The following RETREG1 variants were observed in gnomAD, a reference collection of about 807,000 sequenced individuals.
The protein encoded by RETREG1 is family with sequence similarity 134 member B.
A neutral mutation model predicts 54.8 loss-of-function variants in RETREG1; 44 were observed. The observed-to-expected ratio is 0.80, with a 90% CI of 0.63 to 1.03. The LOEUF (loss-of-function observed/expected upper bound fraction) is 1.03, where lower values mean the gene tolerates loss of function less well. RETREG1 is among the 50% of genes least tolerant of loss of function. The pLI, the probability that RETREG1 is intolerant of heterozygous loss-of-function variation, is 0.00. For synonymous variants in RETREG1, 217 were observed against 238.5 expected, an observed-to-expected ratio of 0.91 and a Z score of 0.83; for missense variants, 554 against 605.1, an observed-to-expected ratio of 0.92 and a Z score of 0.89.
In RETREG1 at chr5:16,516,769, CA is replaced by C. The variant is rs60951578; in HGVS notation, c.459-33298del. ...AAATGTTTTTTCACAAGACATATAA[CA>C]AAAAAAAAAATCTAACAAGCCCAAA... On this transcript the variant is annotated intron_variant, in intron 3 of 8. Coordinates refer to ENST00000306320, the MANE Select transcript of RETREG1 (RefSeq NM_001034850.3). Among the ~76,000 whole-genome samples the C allele has an allele frequency of 2.4e-3, 350 of 147,314 alleles. 2 individuals carry two copies. The highest frequency in any genetic ancestry group is 0.023 in the East Asian group (118 of 5,040).
At chr5:16,512,209 C>T (rs1027943855) in intron 3 of RETREG1, among the ~76,000 whole-genome samples, 2 of 152,180 alleles carry the variant, frequency 1.3e-5, no homozygotes, top group African/African-American at 4.8e-5. Flanking sequence ...ACCCTGAGTG[C>T]CACAGAAGTG....
In RETREG1 at chr5:16,483,363, GT is replaced by G. The variant is rs754574335; in HGVS notation, c.567del (p.Lys189AsnfsTer63). The G allele has an allele frequency of 6.2e-7, 1 of 1,613,322 alleles. No homozygotes were observed. The highest frequency in any genetic ancestry group is 8.5e-7 in the Non-Finnish European group (1 of 1,179,372). On this transcript the variant is annotated frameshift_variant, in exon 4 of 9. Coordinates refer to ENST00000306320, the MANE Select transcript of RETREG1 (RefSeq NM_001034850.3). LOFTEE classifies it high-confidence loss of function. ...AAACTTGCCTTGCCAGGGCTCTGCT[GT>G]TTAAAAAGAGACATTTCTTGAAGAA... ...SIFLQEMSLF[K>X]QQSPGKFCLL... is the part of the protein sequence containing the mutation.
intron 3 of RETREG1, among the ~76,000 whole-genome samples, chr5:16,517,961 A>T (rs1740411235): frequency 1.3e-5 from 2 of 151,954 alleles, no homozygotes; most frequent in East Asian, 3.9e-4. Context: ...AAAGGATGAC[A>T]TTGTTAGGAA....
chr5:16,558,621 C>A (rs75425969), intron 3 of RETREG1, among the ~76,000 whole-genome samples: 3,576 of 152,236 alleles, frequency 0.023, 132 homozygotes, highest in African/African-American at 0.081. Context: ...AACAAGGTTC[C>A]AGTCTTACTG....
intron 1 of RETREG1, among the ~76,000 whole-genome samples, chr5:16,592,774 T>C (rs1048379752): frequency 6.6e-5 from 10 of 152,130 alleles, no homozygotes; most frequent in African/African-American, 2.4e-4. Context: ...GCCATTATCC[T>C]TGGCAAACTA....
At chr5:16,605,081 A>G (rs960461745) in intron 1 of RETREG1, among the ~76,000 whole-genome samples, 1 of 152,232 alleles carries the variant, frequency 6.6e-6, no homozygotes, top group Non-Finnish European at 1.5e-5. Context: ...AAATGTCTGC[A>G]CTGAAGAAAT....
At chr5:16,527,512 G>T (rs1740749506) in intron 3 of RETREG1, among the ~76,000 whole-genome samples, 3 of 152,094 alleles carry the variant, frequency 2.0e-5, no homozygotes, top group Admixed American at 6.5e-5. Flanking sequence ...GGCTGAAATG[G>T]CATTAATGCT....
At chr5:16,506,819 G>A (rs1739977535) in intron 3 of RETREG1, among the ~76,000 whole-genome samples, 1 of 152,144 alleles carries the variant, frequency 6.6e-6, no homozygotes, top group African/African-American at 2.4e-5. Context: ...CCACCAATGG[G>A]TAAAAGCTTA....
At chr5:16,583,813 C>T (rs1742555680) in intron 1 of RETREG1, among the ~76,000 whole-genome samples, 1 of 151,948 alleles carries the variant, frequency 6.6e-6, no homozygotes, top group African/African-American at 2.4e-5. Context: ...TTTTTGTCTT[C>T]AAAGAAAGAC....
chr5:16,565,143 C>G (rs1427545791), intron 3 of RETREG1, among the ~76,000 whole-genome samples: 1 of 152,204 alleles, frequency 6.6e-6, no homozygotes, highest in Non-Finnish European at 1.5e-5. Context: ...ACTGTGGTCC[C>G]CTCAATCAAC....
At chr5:16,527,576 C>A (rs188437528) in intron 3 of RETREG1, among the ~76,000 whole-genome samples, 4 of 152,046 alleles carry the variant, frequency 2.6e-5, no homozygotes, top group African/African-American at 9.6e-5. Context: ...TGATAAAAAT[C>A]ATAATAATAA....
chr5:16,608,009 A>G (rs1437558670), intron 1 of RETREG1, among the ~76,000 whole-genome samples: 1 of 152,036 alleles, frequency 6.6e-6, no homozygotes. Context: ...CCTCCCAAGT[A>G]ACTGGGATTA....
At position 16,478,971 on chromosome 5, in the gene RETREG1, C is replaced by A. The variant is rs748217475; in HGVS notation, c.687G>T (p.Leu229Phe). The A allele has an allele frequency of 1.3e-5, 21 of 1,611,688 alleles. No individual in the cohort carries two copies. In the Admixed American group the frequency reaches 3.0e-4, roughly 23 times the overall value. The change falls in exon 6 of 9, where the codon TTG becomes TTT. Residue 229 changes from leucine (L) to phenylalanine (F), a missense_variant. Physicochemically the swap from Leu to Phe is conservative, Grantham distance 22. Around this residue, in one of 4 missense-constraint regions of RETREG1, gnomAD observed 347 missense variants for 412.3 expected, o/e 0.84. Coordinates refer to ENST00000306320, the MANE Select transcript of RETREG1 (RefSeq NM_001034850.3). ...LSYLLLLCAF[L>F]CPLFKCNDIG... Reference sequence around the variant, plus strand: ...TATCATTACATTTAAACAATGGACACAAAAATGCACACAGTACTGAAAGAA... The same window carrying A: ...TATCATTACATTTAAACAATGGACAAAAAAATGCACACAGTACTGAAAGAA...
intron 3 of RETREG1, among the ~76,000 whole-genome samples, chr5:16,515,791 G>A (rs1477136479): frequency 6.6e-6 from 1 of 152,152 alleles, no homozygotes; most frequent in Non-Finnish European, 1.5e-5. Context: ...AAATTAGAAA[G>A]CTCCTAGAGC....
In RETREG1 at chr5:16,561,513, AAAAT is replaced by A. The variant is rs1010589838; in HGVS notation, c.458+4246_458+4249del. 1.3e-5 allele frequency among the ~76,000 whole-genome samples: 2 copies of A among 151,954 alleles called. No homozygotes were observed. The highest frequency in any genetic ancestry group is 2.4e-5 in the African/African-American group (1 of 41,374). On this transcript the variant is annotated intron_variant, in intron 3 of 8. Transcript: ENST00000306320. This position sits in a 1 kb window ranked among gnomAD's most constrained non-coding sequence, Gnocchi z 4.2. ...CTCCGTCTCAAAAAATAATAATAAT[AAAAT>A]AAATAAAATAAAATAAAATACAAAT...
At chr5:16,529,210 C>T (rs1158280602) in intron 3 of RETREG1, among the ~76,000 whole-genome samples, 1 of 152,132 alleles carries the variant, frequency 6.6e-6, no homozygotes, top group East Asian at 1.9e-4. Context: ...TGTGTCTTGG[C>T]GCCTATCATA....
chr5:16,611,104 T>C (rs1348689425), intron 1 of RETREG1, among the ~76,000 whole-genome samples: 6 of 152,098 alleles, frequency 3.9e-5, no homozygotes, highest in Non-Finnish European at 8.8e-5. Context: ...ATGTCCTTTG[T>C]AGGGACATGA....
Position 16,514,941 on chromosome 5 carries a change from ATATAT to A in RETREG1, c.459-31474_459-31470del, listed in dbSNP as rs1243475575. 2.0e-5 allele frequency among the ~76,000 whole-genome samples: 3 copies of A among 147,746 alleles called. No individual in the cohort carries two copies. The South Asian group carries it at 6.3e-4, about 31-fold the overall frequency. ...ATATATTATATAAATATATGTGCAT[ATATAT>A]TATATATGTGTATATATATTATATA... is the stretch of plus-strand genomic sequence containing the variant. On this transcript the variant is annotated intron_variant, in intron 3 of 8. Coordinates refer to ENST00000306320, the MANE Select transcript of RETREG1 (RefSeq NM_001034850.3).
chr5:16,583,186 A>G (rs1742537474), intron 1 of RETREG1, among the ~76,000 whole-genome samples: 1 of 152,078 alleles, frequency 6.6e-6, no homozygotes, highest in Non-Finnish European at 1.5e-5. Flanking sequence ...GCTAACTACA[A>G]AAAATATTTT....
Sources: gnomAD v4.1 joint callset for allele counts (sites outside exome capture counted in the v4.1 genomes callset) on GRCh38, gnomAD v4.1.1 for gene constraint, gnomAD v4.1.1 regional missense constraint, Gnocchi (gnomAD v3.1) non-coding constraint, MANE v1.5 for transcripts, NCBI Gene and HGNC (gene_info 2026-07-23, HGNC 2026-07-21) for gene names.